SLC4A4: variants seen among roughly 807,000 people sequenced by gnomAD.
SLC4A4 encodes the protein electrogenic sodium bicarbonate cotransporter 1.
In SLC4A4, 27 loss-of-function variants were observed where a neutral mutation model predicts 111.5. That is an observed-to-expected ratio of 0.24 (90% confidence interval 0.18 to 0.33). The LOEUF is 0.33. Among genes scored for constraint, SLC4A4 ranks in the 10% least tolerant of loss-of-function variants. The pLI, the probability that SLC4A4 is intolerant of heterozygous loss-of-function variation, is 1.00. For synonymous variants in SLC4A4, 443 were observed against 463.4 expected (o/e 0.96, Z 0.57); for missense variants, 909 against 1,315.5 (o/e 0.69, Z 4.78).
intron 16 of SLC4A4, among the ~76,000 whole-genome samples, chr4:71,512,242 C>T (rs1342456942): frequency 6.6e-6 from 1 of 151,992 alleles, no homozygotes; most frequent in Non-Finnish European, 1.5e-5. Flanking sequence ...AGTCTACCAA[C>T]CATATAAAAC....
intron 13 of SLC4A4, 36 bp downstream of exon 13, chr4:71,466,613 G>T (rs2149098903): frequency 1.3e-6 from 2 of 1,599,222 alleles, no homozygotes; most frequent in Non-Finnish European, 1.7e-6. Context: ...AATTAGAATT[G>T]CTTAATTGTA....
upstream of SLC4A4, among the ~76,000 whole-genome samples, chr4:71,183,535 G>A (rs1374118705): frequency 6.6e-6 from 1 of 152,200 alleles, no homozygotes; most frequent in African/African-American, 2.4e-5. Flanking sequence ...CTCTTGGAGT[G>A]TAAGTGAAAC....
At position 71,569,828 on chromosome 4, in the gene SLC4A4, TTTTAACTTATACAAATTAGTCA is replaced by T. The variant is rs1737796708; in HGVS notation, c.*2078_*2099del. 6.6e-6 allele frequency: 1 copy of T among 151,748 alleles called. No homozygotes were observed. Among genetic ancestry groups the T allele is most frequent in the Admixed American group, 6.6e-5 (1 of 15,182 alleles). The allele number at this position is 151,748 out of a possible 1,614,324, so 9.4% of individuals were successfully genotyped here. ...TTACAGTACCTGATACTCCTAAAAC[TTTTAACTTATACAAATTAGTCA>T]ATAATGACCCCAATTTTTTCATTAA... On this transcript the variant is annotated 3_prime_UTR_variant, in exon 26 of 26. Coordinates refer to ENST00000264485, the MANE Select transcript of SLC4A4 (RefSeq NM_001098484.3).
In SLC4A4 at chr4:71,294,396, G is replaced by A. The variant is rs547392523; in HGVS notation, c.253+38997G>A. On this transcript the variant is annotated intron_variant, in intron 3 of 25. Coordinates refer to ENST00000264485, the MANE Select transcript of SLC4A4 (RefSeq NM_001098484.3). ...TCATCATATTAGATCATGGGTTGAT[G>A]TAAGTTCATGTTTGGATGTTTTAAA... Among the ~76,000 whole-genome samples the A allele has an allele frequency of 4.6e-5, 7 of 152,342 alleles. No homozygotes were observed. The East Asian group carries it at 1.3e-3, about 29-fold the overall frequency.
intron 2 of SLC4A4, among the ~76,000 whole-genome samples, chr4:71,092,988 G>A (rs536112714): frequency 1.7e-4 from 25 of 149,190 alleles, no homozygotes; most frequent in Non-Finnish European, 3.1e-4. Context: ...CCAGCTACTC[G>A]GGAGGCTGAG....
chr4:71,133,589 C>A (rs545693001), intron 2 of SLC4A4, among the ~76,000 whole-genome samples: 3 of 152,300 alleles, frequency 2.0e-5, no homozygotes, highest in African/African-American at 7.2e-5. Context: ...CTCCAGAGTG[C>A]AAACGCAGAA....
chr4:71,156,581 C>CGCGT (rs1339839183), intron 2 of SLC4A4, among the ~76,000 whole-genome samples: 22 of 105,716 alleles, frequency 2.1e-4, no homozygotes, highest in African/African-American at 5.7e-4. Flanking sequence ...CATGCGCGCG[C>CGCGT]GCGCGCGCAC....
intron 3 of SLC4A4, among the ~76,000 whole-genome samples, chr4:71,267,811 A>G (rs981009206): frequency 5.3e-5 from 8 of 150,710 alleles, no homozygotes; most frequent in African/African-American, 1.9e-4. Context: ...AAAAAAAAAA[A>G]AAAAAAAGAA....
At chr4:71,224,599 C>G (rs1326546500) in intron 1 of SLC4A4, among the ~76,000 whole-genome samples, 2 of 152,104 alleles carry the variant, frequency 1.3e-5, no homozygotes, top group African/African-American at 4.8e-5. Context: ...ACAATAGTAA[C>G]TAAGACATAG....
At position 71,357,101 on chromosome 4, in the gene SLC4A4, A is replaced by G. The variant is rs1164604188; in HGVS notation, c.644A>G (p.Gln215Arg). The G allele has an allele frequency of 2.5e-6, 4 of 1,614,202 alleles. No homozygotes were observed. Among genetic ancestry groups the G allele is most frequent in the Admixed American group, 1.7e-5 (1 of 60,026 alleles). Residue 215 changes from glutamine to arginine, a missense_variant, in exon 6 of 26, where the codon CAA becomes CGA. Physicochemically the swap from Gln to Arg is conservative, Grantham distance 43. Coordinates refer to ENST00000264485, the MANE Select transcript of SLC4A4 (RefSeq NM_001098484.3). ...ACTTTGCTCCGGAAGCACCGGCATC[A>G]AACCAAGAAATCCAACCTTCGGTCC... The part of the protein sequence containing the change: ...TYTLLRKHRH[Q>R]TKKSNLRSLA...
chr4:71,128,453 C>T (rs149637608), intron 2 of SLC4A4, among the ~76,000 whole-genome samples: 46 of 152,022 alleles, frequency 3.0e-4, no homozygotes, highest in African/African-American at 9.7e-4. Context: ...TATCAAAGAC[C>T]CTGTCTCAAA....
At chr4:71,205,552 T>A (rs1322854763) in intron 1 of SLC4A4, among the ~76,000 whole-genome samples, 4 of 152,168 alleles carry the variant, frequency 2.6e-5, no homozygotes, top group Non-Finnish European at 5.9e-5. Flanking sequence ...AATTTGTATA[T>A]ATATTTATTT....
intron 2 of SLC4A4, among the ~76,000 whole-genome samples, chr4:71,138,028 G>A (rs1489986093): frequency 3.3e-5 from 5 of 152,108 alleles, no homozygotes; most frequent in African/African-American, 1.2e-4. Flanking sequence ...ATGCTCCATG[G>A]CTATATTTGC....
At chr4:71,243,474 G>A (rs1483230924) in intron 2 of SLC4A4, among the ~76,000 whole-genome samples, 1 of 152,166 alleles carries the variant, frequency 6.6e-6, no homozygotes, top group East Asian at 1.9e-4. Flanking sequence ...ATAAAGATCA[G>A]TTGAGGCTTT....
intron 2 of SLC4A4, among the ~76,000 whole-genome samples, chr4:71,164,797 C>G (rs964734984): frequency 1.3e-5 from 2 of 152,106 alleles, no homozygotes; most frequent in Non-Finnish European, 2.9e-5. Flanking sequence ...TTTTTGCAAT[C>G]TACTCAACTG....
intron 6 of SLC4A4, among the ~76,000 whole-genome samples, chr4:71,392,737 T>A (rs1262235312): frequency 6.6e-6 from 1 of 152,038 alleles, no homozygotes; most frequent in Non-Finnish European, 1.5e-5. Flanking sequence ...ACTGAAATCT[T>A]TGATGAACAT....
At chr4:71,210,898 G>A (rs1371399587) in intron 1 of SLC4A4, among the ~76,000 whole-genome samples, 1 of 152,188 alleles carries the variant, frequency 6.6e-6, no homozygotes, top group Non-Finnish European at 1.5e-5. Flanking sequence ...CTGAACTGGA[G>A]GCATGCAGCT....
intron 2 of SLC4A4, among the ~76,000 whole-genome samples, chr4:71,100,299 T>A (rs1162561459): frequency 6.6e-6 from 1 of 151,264 alleles, no homozygotes; most frequent in South Asian, 2.1e-4. Context: ...TGGGTCAACA[T>A]ACACAAATCA....
intron 1 of SLC4A4, among the ~76,000 whole-genome samples, chr4:71,221,141 A>G (rs533572038): frequency 7.5e-4 from 114 of 152,300 alleles, no homozygotes; most frequent in Non-Finnish European, 1.3e-3. Context: ...GGTTGATTCC[A>G]TGTCTTTGCT....
Sources: allele counts gnomAD v4.1 joint callset (sites outside exome capture counted in the v4.1 genomes callset), GRCh38; gene constraint gnomAD v4.1.1; transcripts MANE v1.5; gene names NCBI Gene and HGNC (gene_info 2026-07-23, HGNC 2026-07-21).